MACROD2: variants seen among roughly 807,000 people sequenced by gnomAD.
MACROD2 encodes ADP-ribose glycohydrolase MACROD2.
A neutral mutation model predicts 70.4 loss-of-function variants in MACROD2; 36 were observed. The ratio of observed to expected loss-of-function variants is 0.51; its 90% CI spans 0.39 to 0.68. The LOEUF (loss-of-function observed/expected upper bound fraction) is 0.68, where lower values mean the gene tolerates loss of function less well. MACROD2 is among the 30% of genes least tolerant of loss of function. The pLI, the probability that MACROD2 is intolerant of heterozygous loss-of-function variation, is 0.00. For missense variants in MACROD2, 496 were observed against 538.4 expected (o/e 0.92, Z 0.78); for synonymous variants, 172 against 178.8 (o/e 0.96, Z 0.30).
intron 8 of MACROD2, among the ~76,000 whole-genome samples, chr20:15,629,311 G>GT (rs755746802): frequency 1.3e-5 from 2 of 152,138 alleles, no homozygotes; most frequent in Non-Finnish European, 2.9e-5. Context: ...TGACGCGACT[G>GT]TTTTGATGTA....
intron 12 of MACROD2, among the ~76,000 whole-genome samples, chr20:15,950,005 T>C (rs1003374297): frequency 6.6e-6 from 1 of 152,192 alleles, no homozygotes; most frequent in Non-Finnish European, 1.5e-5. Flanking sequence ...TTTAAGAGTA[T>C]GTATTTTTCT....
chr20:15,744,805 T>C (rs1286102918), intron 8 of MACROD2, among the ~76,000 whole-genome samples: 3 of 152,142 alleles, frequency 2.0e-5, no homozygotes, highest in African/African-American at 4.8e-5. Context: ...ATCCTTGGTT[T>C]GTGTCTCTTT....
intron 5 of MACROD2, among the ~76,000 whole-genome samples, chr20:14,867,934 A>C (rs1049071179): frequency 6.6e-6 from 1 of 152,116 alleles, no homozygotes; most frequent in African/African-American, 2.4e-5. Context: ...CCTAAGGCTT[A>C]TACCTCAATC....
chr20:15,343,412 C>T (rs761236475), intron 6 of MACROD2, among the ~76,000 whole-genome samples: 2 of 152,108 alleles, frequency 1.3e-5, no homozygotes, highest in African/African-American at 2.4e-5. Flanking sequence ...ACTTGTTTGG[C>T]CAGATATAAG....
chr20:15,599,432 G>T (rs2048789418), intron 8 of MACROD2, among the ~76,000 whole-genome samples: 1 of 151,888 alleles, frequency 6.6e-6, no homozygotes, highest in Non-Finnish European at 1.5e-5. Context: ...GAGAATTTCA[G>T]GCCTGTGATC....
At chr20:15,015,515 C>T (rs936159100) in intron 5 of MACROD2, among the ~76,000 whole-genome samples, 3 of 151,442 alleles carry the variant, frequency 2.0e-5, no homozygotes, top group African/African-American at 4.8e-5. Context: ...CACAATTTTC[C>T]CAGTAAGTAC....
intron 5 of MACROD2, among the ~76,000 whole-genome samples, chr20:15,065,155 G>T (rs1273063048): frequency 6.6e-6 from 1 of 152,142 alleles, no homozygotes; most frequent in Admixed American, 6.5e-5. Context: ...AGCATGACTA[G>T]ACCACCTCTT....
intron 6 of MACROD2, among the ~76,000 whole-genome samples, chr20:15,354,715 A>T (rs1476059777): frequency 2.0e-5 from 3 of 152,224 alleles, no homozygotes; most frequent in Non-Finnish European, 4.4e-5. Flanking sequence ...CTTTATTCTC[A>T]GAAGGGACTA....
chr20:15,166,822 A>C (rs1265579833), intron 5 of MACROD2, among the ~76,000 whole-genome samples: 2 of 151,496 alleles, frequency 1.3e-5, no homozygotes, highest in Non-Finnish European at 2.9e-5. Flanking sequence ...AATTTCAAGA[A>C]ACAGAAATGA....
At chr20:14,304,442 A>G (rs557920775) in intron 3 of MACROD2, among the ~76,000 whole-genome samples, 2 of 152,338 alleles carry the variant, frequency 1.3e-5, no homozygotes, top group Non-Finnish European at 2.9e-5. Flanking sequence ...TTGCCTTAGA[A>G]TATTTAGTAG....
intron 5 of MACROD2, among the ~76,000 whole-genome samples, chr20:14,739,602 G>A (rs1484269038): frequency 1.3e-5 from 2 of 151,912 alleles, no homozygotes; most frequent in African/African-American, 2.4e-5. Flanking sequence ...AAAAAAGTGG[G>A]ATTTGTAGAA....
chr20:15,605,633 T>C (rs2077703161), intron 8 of MACROD2, among the ~76,000 whole-genome samples: 1 of 152,154 alleles, frequency 6.6e-6, no homozygotes, highest in South Asian at 2.1e-4. Flanking sequence ...TCACATGAGG[T>C]CACATAACAT....
chr20:14,381,339 A>G (rs539287138), intron 3 of MACROD2, among the ~76,000 whole-genome samples: 19 of 152,304 alleles, frequency 1.2e-4, no homozygotes, highest in South Asian at 1.2e-3. Flanking sequence ...TCTAAATCTT[A>G]AAACACATTT....
chr20:14,570,734 A>C (rs1488623611), intron 4 of MACROD2, among the ~76,000 whole-genome samples: 1 of 152,048 alleles, frequency 6.6e-6, no homozygotes, highest in Non-Finnish European at 1.5e-5. Context: ...AGATAGTCTC[A>C]AAAATATTTA....
At chr20:15,434,547 G>A (rs564073528) in intron 7 of MACROD2, among the ~76,000 whole-genome samples, 9 of 152,212 alleles carry the variant, frequency 5.9e-5, no homozygotes, top group Admixed American at 2.6e-4. Flanking sequence ...GTGGTGGAAA[G>A]GGAACACATT....
At chr20:14,789,440 G>C (rs1157328589) in intron 5 of MACROD2, among the ~76,000 whole-genome samples, 1 of 128,624 alleles carries the variant, frequency 7.8e-6, no homozygotes, top group Non-Finnish European at 1.6e-5. Flanking sequence ...TTAATCTTGT[G>C]GATTAATCAG....
intron 3 of MACROD2, among the ~76,000 whole-genome samples, chr20:14,475,552 G>C (rs1381422764): frequency 6.6e-6 from 1 of 151,698 alleles, no homozygotes; most frequent in Non-Finnish European, 1.5e-5. Context: ...CTTTCAGTTT[G>C]AGGGACTCCC....
intron 5 of MACROD2, among the ~76,000 whole-genome samples, chr20:15,141,779 G>A (rs1177728089): frequency 6.6e-6 from 1 of 151,952 alleles, no homozygotes; most frequent in Non-Finnish European, 1.5e-5. Flanking sequence ...CAGTTTCCCA[G>A]AAACTTTTGC....
At chr20:15,153,892 G>T (rs2076288728) in intron 5 of MACROD2, among the ~76,000 whole-genome samples, 1 of 152,110 alleles carries the variant, frequency 6.6e-6, no homozygotes, top group South Asian at 2.1e-4. Context: ...TATTTTTCCA[G>T]AAGGATTTTT....
Sources: gnomAD v4.1 joint callset for allele counts (sites outside exome capture counted in the v4.1 genomes callset) on GRCh38, gnomAD v4.1.1 for gene constraint, MANE v1.5 for transcripts, NCBI Gene and HGNC (gene_info 2026-07-23, HGNC 2026-07-21) for gene names.